ZNF638: variants seen among roughly 807,000 people sequenced by gnomAD.
ZNF638 encodes the protein zinc finger protein 638, also known as CTCL tumor antigen se33-1.
ZNF638 carries 46 observed loss-of-function variants against 195.6 expected under a neutral mutation model. The observed-to-expected ratio is 0.24, with a 90% CI of 0.19 to 0.30. The LOEUF is 0.30. Ranked by LOEUF, ZNF638 falls within the 10% of genes least tolerant of loss-of-function variation. The pLI is 1.00. For missense variants in ZNF638, 2,440 were observed against 2,325.3 expected, an observed-to-expected ratio of 1.05 and a Z score of -1.01; for synonymous variants, 845 against 772.0, an observed-to-expected ratio of 1.09 and a Z score of -1.57.
chr2:71,373,204 A>C (rs551898485), intron 8 of ZNF638, among the ~76,000 whole-genome samples: 3 of 152,242 alleles, frequency 2.0e-5, no homozygotes, highest in East Asian at 3.9e-4. Flanking sequence ...TTTAATTTGC[A>C]TCTTTTTGAT....
intron 1 of ZNF638, among the ~76,000 whole-genome samples, chr2:71,346,697 A>C (rs2078855583): frequency 6.6e-6 from 1 of 152,134 alleles, no homozygotes; most frequent in African/African-American, 2.4e-5. Flanking sequence ...AAAACATAAG[A>C]TAGTAAGAAT....
At chr2:71,345,590 C>T (rs1292128650) in intron 1 of ZNF638, among the ~76,000 whole-genome samples, 1 of 152,142 alleles carries the variant, frequency 6.6e-6, no homozygotes, top group Non-Finnish European at 1.5e-5. Context: ...CCATGTTGCC[C>T]AGGCTGGCCT....
At chr2:71,368,189 T>A (rs2079239979) in intron 6 of ZNF638, among the ~76,000 whole-genome samples, 193 bp from the exon 7 acceptor site, 1 of 152,180 alleles carries the variant, frequency 6.6e-6, no homozygotes, top group African/African-American at 2.4e-5. Context: ...TTTAAAATCT[T>A]ATTAAAGTGT....
chr2:71,370,672 TAAA>T (rs1030027818), intron 8 of ZNF638, among the ~76,000 whole-genome samples: 8 of 151,972 alleles, frequency 5.3e-5, no homozygotes, highest in African/African-American at 1.9e-4. Context: ...TTTTATATCT[TAAA>T]AAAAATTATT....
rs373861636 is a variant in ZNF638, at chr2:71,396,797, C to T, written c.2428+606C>T. Among the ~76,000 whole-genome samples the T allele has an allele frequency of 3.9e-5, 6 of 152,080 alleles. No homozygotes were observed. In the South Asian group the frequency reaches 8.3e-4, roughly 21 times the overall value. On this transcript the variant is annotated intron_variant, in intron 11 of 27. Transcript: ENST00000264447. Reference sequence around the variant, plus strand: ...TGTCTCTACTGAAAATACAAAAAAACTAGCCAGGCACCAGTGATGCACGCC... The same window carrying T: ...TGTCTCTACTGAAAATACAAAAAAATTAGCCAGGCACCAGTGATGCACGCC...
Position 71,348,560 on chromosome 2 carries a change from G to C in ZNF638, c.-202-193G>C, listed in dbSNP as rs1020321072. The C allele has an allele frequency of 2.5e-6, 3 of 1,189,582 alleles. No individual in the cohort carries two copies. The African/African-American group carries it at 4.8e-5, about 19-fold the overall frequency. The allele number at this position is 1,189,582 out of a possible 1,614,324, so 73.7% of individuals were successfully genotyped here. On this transcript the variant is annotated intron_variant, in intron 1 of 27. Transcript: ENST00000264447. ...CTCTGGCTTGAGGTTTGGGGCTTGT[G>C]TTCTGCATTCAGGAAAGAAAAGAAG...
intron 10 of ZNF638, among the ~76,000 whole-genome samples, chr2:71,391,030 T>A (rs964039902): frequency 3.3e-5 from 5 of 152,152 alleles, no homozygotes; most frequent in African/African-American, 1.2e-4. Context: ...GGTAGCACAG[T>A]GGCCTTTAAA....
At position 71,349,773 on chromosome 2, in the gene ZNF638, C is replaced by T. The variant is rs1450225851; in HGVS notation, c.819C>T (p.Asp273=). ...TTGAAGACGTATTTCGCCAAATGGA[C>T]TTCCCCGGTGAGTCCTCCAATAATC... The part of the protein sequence containing the change: ...FPVEDVFRQM[D]FPGESSNNRS... Residue 273 remains aspartate, a synonymous_variant, in exon 2 of 28, where the codon GAC becomes GAT. Coordinates refer to ENST00000264447, the MANE Select transcript of ZNF638 (RefSeq NM_014497.5). 1 of 1,614,060 alleles carries T rather than the reference C, an allele frequency of 6.2e-7. No homozygotes were observed. Among genetic ancestry groups the T allele is most frequent in the Non-Finnish European group, 8.5e-7 (1 of 1,180,036 alleles).
intron 10 of ZNF638, among the ~76,000 whole-genome samples, chr2:71,394,380 TA>T (rs1184031469): frequency 6.6e-6 from 1 of 152,104 alleles, no homozygotes; most frequent in Non-Finnish European, 1.5e-5. Flanking sequence ...CAGTAACAAT[TA>T]TACTATGACC....
chr2:71,368,076 T>C (rs1282649955), intron 6 of ZNF638, among the ~76,000 whole-genome samples: 2 of 152,180 alleles, frequency 1.3e-5, no homozygotes, highest in Admixed American at 6.5e-5. Flanking sequence ...CCTTGGAACA[T>C]TCCATAGATC....
chr2:71,434,532 C>T (rs781209742), intron 27 of ZNF638, among the ~76,000 whole-genome samples: 2 of 152,052 alleles, frequency 1.3e-5, no homozygotes, highest in African/African-American at 4.8e-5. Context: ...TGTTGCCCAC[C>T]GAATCCTCAG....
At chr2:71,417,033 T>G (rs2080309389) in intron 20 of ZNF638, among the ~76,000 whole-genome samples, 1 of 137,584 alleles carries the variant, frequency 7.3e-6, no homozygotes, top group Non-Finnish European at 1.6e-5. Context: ...CTGCTTTGTT[T>G]ACCTAAGCAA....
rs984347804 is a variant in ZNF638 at position 71,398,645 on chromosome 2, G to C, written c.2429-56G>C. The C allele has an allele frequency of 2.8e-5, 37 of 1,319,178 alleles. 1 individual carries two copies. Among genetic ancestry groups the C allele is most frequent in the Non-Finnish European group, 3.9e-5 (36 of 913,506 alleles). 81.7% of individuals were successfully genotyped at this position (1,319,178 alleles called of 1,614,324 possible). On this transcript the variant is annotated intron_variant, in intron 11 of 27. Coordinates refer to ENST00000264447, the MANE Select transcript of ZNF638 (RefSeq NM_014497.5). Reference sequence around the variant, plus strand: ...ATCTTTTTCTCTGTGAGGTTCTTTGGAGATTGTTGATACTAGTTAAGTAAA... The same window carrying C: ...ATCTTTTTCTCTGTGAGGTTCTTTGCAGATTGTTGATACTAGTTAAGTAAA...
chr2:71,395,770 A>G (rs1367995614), intron 10 of ZNF638: 18 of 386,738 alleles, frequency 4.7e-5, no homozygotes, highest in South Asian at 3.7e-4. Context: ...GTGTCTGTGT[A>G]CTTTTTTCAT....
chr2:71,393,270 C>G (rs888463428), intron 10 of ZNF638: 2 of 610,996 alleles, frequency 3.3e-6, no homozygotes, highest in Non-Finnish European at 6.0e-6. Context: ...AAGCACCTTG[C>G]TAAAACCTCT....
At chr2:71,335,460 C>T (rs1276064366) in intron 1 of ZNF638, among the ~76,000 whole-genome samples, 1 of 152,156 alleles carries the variant, frequency 6.6e-6, no homozygotes, top group East Asian at 1.9e-4. Flanking sequence ...CTTATTTCCA[C>T]AGTCGGTTAA....
chr2:71,380,337 T>A, intron 9 of ZNF638, 57 bp downstream of exon 9: 12 of 1,331,584 alleles, frequency 9.0e-6, no homozygotes, highest in Non-Finnish European at 1.2e-5. Context: ...ACTTAAGAAA[T>A]TTTAATTTTT....
At chr2:71,428,482 A>G (rs748868859) in intron 24 of ZNF638, 65 bp from the exon 25 acceptor site, 92 of 1,431,376 alleles carry the variant, frequency 6.4e-5, no homozygotes, top group Non-Finnish European at 8.3e-5. Flanking sequence ...ACAGTATAAT[A>G]TGTTTAATTT....
chr2:71,342,652 T>C (rs905879296), intron 1 of ZNF638, among the ~76,000 whole-genome samples: 1 of 149,660 alleles, frequency 6.7e-6, no homozygotes, highest in Admixed American at 6.9e-5. Context: ...ACACTGAATT[T>C]TATAGTTAGA....
Sources: gnomAD v4.1 joint callset for allele counts (sites outside exome capture counted in the v4.1 genomes callset) on GRCh38, gnomAD v4.1.1 for gene constraint, MANE v1.5 for transcripts, NCBI Gene and HGNC (gene_info 2026-07-23, HGNC 2026-07-21) for gene names.